The following STX11 variants were observed in gnomAD, a reference collection of about 807,000 sequenced individuals.
The protein encoded by STX11 is syntaxin-11.
Under a neutral mutation model 19.9 loss-of-function variants are expected in STX11, and 21 were observed. The ratio of observed to expected loss-of-function variants is 1.06; its 90% confidence interval spans 0.75 to 1.52. STX11 has a LOEUF of 1.52. STX11 is among the 40% of genes most tolerant of loss of function. The pLI is 0.00. For missense variants in STX11, 438 were observed against 405.9 expected (o/e 1.08, Z -0.68); for synonymous variants, 193 against 174.4 (o/e 1.11, Z -0.84).
chr6:144,164,897 A>G (rs1423314432), intron 1 of STX11, among the ~76,000 whole-genome samples: 1 of 151,820 alleles, frequency 6.6e-6, no homozygotes. Flanking sequence ...CGGTTTCACC[A>G]TGTTGGCCAG....
rs1801930467 is a variant in STX11, at chr6:144,182,368, G to T, written c.-5-4255G>T. Among the ~76,000 whole-genome samples, 1 of 152,120 alleles carries T rather than the reference G, an allele frequency of 6.6e-6. No homozygotes were observed. Among genetic ancestry groups the T allele is most frequent in the South Asian group, 2.1e-4 (1 of 4,832 alleles). The stretch of plus-strand genomic sequence containing the variant: ...AGTGGAGACAACTCATCCAAGGCTG[G>T]CTGAGCCAAGAGAGGTGGGCAGGAA... On this transcript the variant is annotated intron_variant, in intron 1 of 1. Transcript: ENST00000367568. This position sits in a 1 kb window ranked among gnomAD's most constrained non-coding sequence, Gnocchi z 4.8.
At position 144,187,503 on chromosome 6, in the gene STX11, G is replaced by T. The variant is rs372260775; in HGVS notation, c.*12G>T. On this transcript the variant is annotated 3_prime_UTR_variant, in exon 2 of 2. Transcript: ENST00000367568. The surrounding 1 kb of genome is among the most constrained non-coding windows in gnomAD (Gnocchi z 5.6). ...CCTGCCTCAAGTAGCAGGCCGGCCC[G>T]GGCCGCCACCGCCCATCCCAGACCA... 1 of 1,611,716 alleles carries T rather than the reference G, an allele frequency of 6.2e-7. No individual in the cohort carries two copies. The highest frequency in any genetic ancestry group is 1.1e-5 in the South Asian group (1 of 91,004).
At chr6:144,140,499 C>A in the STX11 span, among the ~76,000 whole-genome samples, 1 of 151,912 alleles carries the variant, frequency 6.6e-6, no homozygotes, top group African/African-American at 2.4e-5. Context: ...AAGTGATCCT[C>A]CCATCTTGGC....
Position 144,170,454 on chromosome 6 carries a change from G to A in STX11, c.-5-16169G>A, listed in dbSNP as rs1291732042. 6.6e-6 allele frequency among the ~76,000 whole-genome samples: 1 copy of A among 152,140 alleles called. No individual in the cohort carries two copies. Among genetic ancestry groups the A allele is most frequent in the African/African-American group, 2.4e-5 (1 of 41,418 alleles). On this transcript the variant is annotated intron_variant, in intron 1 of 1. Coordinates refer to ENST00000367568, the MANE Select transcript of STX11 (RefSeq NM_003764.4). The surrounding 1 kb of genome is among the most constrained non-coding windows in gnomAD (Gnocchi z 4.7). The stretch of plus-strand genomic sequence containing the variant: ...CTTGGGGACACTGAGTAAATTGTGT[G>A]TTATGTACTTGTGTTTTGACTGCGA...
chr6:144,147,064 A>G (rs1290304405), upstream of STX11, among the ~76,000 whole-genome samples: 5 of 151,810 alleles, frequency 3.3e-5, no homozygotes, highest in Non-Finnish European at 7.4e-5. This position sits in a 1 kb window ranked among gnomAD's most constrained non-coding sequence, Gnocchi z 4.2. Flanking sequence ...ACTCAAGAAC[A>G]TTGCTCCAGC....
rs1802202561 is a variant in STX11 at position 144,191,305 on chromosome 6, A to T, written c.*3814A>T. On this transcript the variant is annotated 3_prime_UTR_variant, in exon 2 of 2. Coordinates refer to ENST00000367568, the MANE Select transcript of STX11 (RefSeq NM_003764.4). ...GGATAATATGAGTTAGAATTTTAAAAATGTCAGTCATTCAAAAATATTTGA... is the reference window on the plus strand; with the variant it reads ...GGATAATATGAGTTAGAATTTTAAATATGTCAGTCATTCAAAAATATTTGA... 6.7e-6 allele frequency among the ~76,000 whole-genome samples: 1 copy of T among 148,974 alleles called. No homozygotes were observed. The highest frequency in any genetic ancestry group is 6.8e-5 in the Admixed American group (1 of 14,812).
Position 144,167,998 on chromosome 6 carries a change from A to T in STX11, c.-6+17295A>T, listed in dbSNP as rs1801527797. On this transcript the variant is annotated intron_variant, in intron 1 of 1. Coordinates refer to ENST00000367568, the MANE Select transcript of STX11 (RefSeq NM_003764.4). The surrounding 1 kb of genome is among the most constrained non-coding windows in gnomAD (Gnocchi z 5.0). ...AACATACCATTAATACAGTGAAAAA[A>T]ATAATGTGTTCAGGGCAACTAAGCC... 6.6e-6 allele frequency among the ~76,000 whole-genome samples: 1 copy of T among 152,246 alleles called. No homozygotes were observed. Among genetic ancestry groups the T allele is most frequent in the African/African-American group, 2.4e-5 (1 of 41,460 alleles).
intron 1 of STX11, among the ~76,000 whole-genome samples, chr6:144,158,906 G>T (rs1366399476): frequency 6.6e-6 from 1 of 152,198 alleles, no homozygotes; most frequent in Non-Finnish European, 1.5e-5. Flanking sequence ...GAAGTTGTCT[G>T]TGCCTGGGTC....
At chr6:144,142,949 G>C in the STX11 span, among the ~76,000 whole-genome samples, 1 of 152,146 alleles carries the variant, frequency 6.6e-6, no homozygotes, top group South Asian at 2.1e-4. Context: ...CTCAAGGTGA[G>C]GGATACCCCA....
chr6:144,168,607 G>C (rs1170101785), intron 1 of STX11, among the ~76,000 whole-genome samples: 1 of 152,066 alleles, frequency 6.6e-6, no homozygotes, highest in African/African-American at 2.4e-5. Context: ...TCTCTCATCT[G>C]ATATACGGAA....
chr6:144,183,590 A>G lies in STX11; in HGVS notation c.-5-3033A>G, dbSNP rs1452602876. 1.3e-5 allele frequency among the ~76,000 whole-genome samples: 2 copies of G among 152,362 alleles called. No individual in the cohort carries two copies. Among genetic ancestry groups the G allele is most frequent in the East Asian group, 3.9e-4 (2 of 5,190 alleles). On this transcript the variant is annotated intron_variant, in intron 1 of 1. Coordinates refer to ENST00000367568, the MANE Select transcript of STX11 (RefSeq NM_003764.4). The surrounding 1 kb of genome is among the most constrained non-coding windows in gnomAD (Gnocchi z 4.6). ...TGTTTGCAAAATCATTAAGTTGCAA[A>G]AACAAAGACACCACAGGAGTTTTAA...
At position 144,159,593 on chromosome 6, in the gene STX11, G is replaced by C. The variant is rs747006171; in HGVS notation, c.-6+8890G>C. Reference sequence around the variant, plus strand: ...GAAAATGACGCCTTCATTTAATGAGGTAAAATAGGTAACAAGGAACGGAGA... The same window carrying C: ...GAAAATGACGCCTTCATTTAATGAGCTAAAATAGGTAACAAGGAACGGAGA... On this transcript the variant is annotated intron_variant, in intron 1 of 1. Coordinates refer to ENST00000367568, the MANE Select transcript of STX11 (RefSeq NM_003764.4). This position sits in a 1 kb window ranked among gnomAD's most constrained non-coding sequence, Gnocchi z 4.3. Among the ~76,000 whole-genome samples the C allele has an allele frequency of 6.6e-6, 1 of 152,096 alleles. No homozygotes were observed. The highest frequency in any genetic ancestry group is 1.5e-5 in the Non-Finnish European group (1 of 68,008).
chr6:144,187,109 T>G lies in STX11; in HGVS notation c.482T>G (p.Ile161Ser). 6.2e-7 allele frequency: 1 copy of G among 1,613,882 alleles called. No individual in the cohort carries two copies. The highest frequency in any genetic ancestry group is 8.5e-7 in the Non-Finnish European group (1 of 1,180,000). The change falls in exon 2 of 2, where the codon ATC becomes AGC. Residue 161 changes from isoleucine (I) to serine (S), a missense_variant. Physicochemically the swap from Ile to Ser is moderately radical, Grantham distance 142 (BLOSUM62 -2). Coordinates refer to ENST00000367568, the MANE Select transcript of STX11 (RefSeq NM_003764.4). This position sits in a 1 kb window ranked among gnomAD's most constrained non-coding sequence, Gnocchi z 5.6. ...CAGCGCGACAACTGCAAGATCCGCATCCAGCGCCAGCTGGAGATCATGGGC... is the reference window on the plus strand; with the variant it reads ...CAGCGCGACAACTGCAAGATCCGCAGCCAGCGCCAGCTGGAGATCATGGGC... ...MKQRDNCKIR[I>S]QRQLEIMGKE...
rs1032774075 is a variant in STX11 at position 144,189,871 on chromosome 6, G to A, written c.*2380G>A. On this transcript the variant is annotated 3_prime_UTR_variant, in exon 2 of 2. Transcript: ENST00000367568. ...TTCTCTAAGGGAAAGGGGAAAAAAT[G>A]TTCACATAGCTCCACTGCAATGTTT... 5.9e-5 allele frequency among the ~76,000 whole-genome samples: 9 copies of A among 152,158 alleles called. No individual in the cohort carries two copies. The highest frequency in any genetic ancestry group is 1.9e-4 in the African/African-American group (8 of 41,434).
At chr6:144,179,235 C>T (rs865985049) in intron 1 of STX11, among the ~76,000 whole-genome samples, 8 of 152,184 alleles carry the variant, frequency 5.3e-5, no homozygotes, top group Non-Finnish European at 1.2e-4. Flanking sequence ...TGGGGGAAAC[C>T]GCCCCCATGA....
chr6:144,161,128 A>G (rs566280973), intron 1 of STX11, among the ~76,000 whole-genome samples: 1 of 152,326 alleles, frequency 6.6e-6, no homozygotes, highest in African/African-American at 2.4e-5. Flanking sequence ...CCAGTTGAAT[A>G]CTTAATTAAC....
At position 144,155,498 on chromosome 6, in the gene STX11, G is replaced by C. The variant is rs1801112919; in HGVS notation, c.-6+4795G>C. On this transcript the variant is annotated intron_variant, in intron 1 of 1. Coordinates refer to ENST00000367568, the MANE Select transcript of STX11 (RefSeq NM_003764.4). This position sits in a 1 kb window ranked among gnomAD's most constrained non-coding sequence, Gnocchi z 4.5. The stretch of plus-strand genomic sequence containing the variant: ...TGAAATGAGAGTGACATGAAGCCTC[G>C]CAGGGTAATAGAGCCCACATGTCTA... Among the ~76,000 whole-genome samples the C allele has an allele frequency of 6.6e-6, 1 of 152,126 alleles. No individual in the cohort carries two copies. The highest frequency in any genetic ancestry group is 6.5e-5 in the Admixed American group (1 of 15,276).
Position 144,165,380 on chromosome 6 carries a change from G to A in STX11, c.-6+14677G>A, listed in dbSNP as rs1003128580. On this transcript the variant is annotated intron_variant, in intron 1 of 1. Transcript: ENST00000367568. The surrounding 1 kb of genome is among the most constrained non-coding windows in gnomAD (Gnocchi z 5.8). ...TGAGGCAGGAGAATTGCTTGAACCC[G>A]GGAGGCGGAGGTTGCGGTGAGCAGA... Among the ~76,000 whole-genome samples the A allele has an allele frequency of 1.3e-5, 2 of 152,006 alleles. No individual in the cohort carries two copies. The highest frequency in any genetic ancestry group is 1.3e-4 in the Admixed American group (2 of 15,258).
At chr6:144,158,563 T>C (rs967427351) in intron 1 of STX11, among the ~76,000 whole-genome samples, 1 of 151,964 alleles carries the variant, frequency 6.6e-6, no homozygotes, top group Admixed American at 6.6e-5. Flanking sequence ...TTAATAATTG[T>C]CTAATAAGAT....
Sources: gnomAD v4.1 joint callset for allele counts (sites outside exome capture counted in the v4.1 genomes callset) on GRCh38, gnomAD v4.1.1 for gene constraint, Gnocchi (gnomAD v3.1) non-coding constraint, MANE v1.5 for transcripts, NCBI Gene and HGNC (gene_info 2026-07-23, HGNC 2026-07-21) for gene names.